Variants in GRPR observed in about 807,000 individuals in gnomAD.
The protein encoded by GRPR is gastrin-releasing peptide receptor.
In GRPR, 4 loss-of-function variants were observed where a neutral mutation model predicts 15.6. The ratio of observed to expected loss-of-function variants is 0.26; its 90% confidence interval spans 0.13 to 0.59. The LOEUF (loss-of-function observed/expected upper bound fraction) is 0.59, where lower values mean the gene tolerates loss of function less well. Among genes scored for constraint, GRPR ranks in the 20% least tolerant of loss-of-function variants. The pLI, the probability that GRPR is intolerant of heterozygous loss-of-function variation, is 0.90. For synonymous variants in GRPR, 128 were observed against 126.8 expected (o/e 1.01, Z -0.06); for missense variants, 270 against 304.1 (o/e 0.89, Z 0.83).
In GRPR at chrX:16,152,921, AGCCT is replaced by A; in HGVS notation, c.*277_*280del. The A allele has an allele frequency of 5.4e-6, 2 of 372,798 alleles. No homozygotes were observed. Among genetic ancestry groups the A allele is most frequent in the South Asian group, 8.6e-5 (2 of 23,355 alleles). 30.7% of individuals were successfully genotyped at this position (372,798 alleles called of 1,213,427 possible). A position where few individuals can be genotyped will look rare whatever the true frequency, so the allele number is the denominator to read the frequency against. On this transcript the variant is annotated 3_prime_UTR_variant, in exon 3 of 3. Transcript: ENST00000380289. The stretch of plus-strand genomic sequence containing the variant: ...GGAACAAGTAGAAAATTATTTTTTA[AGCCT>A]CAAGCCCTGTTAAATGGTCGTGGCC...
intron 1 of GRPR, among the ~76,000 whole-genome samples, chrX:16,143,484 C>T (rs1384690256): frequency 1.8e-5 from 2 of 112,411 alleles, no homozygotes; most frequent in African/African-American, 6.5e-5. Flanking sequence ...CTGAAGATTC[C>T]CAAATATTAA....
chrX:16,143,248 GCT>G (rs1922555966), intron 1 of GRPR, among the ~76,000 whole-genome samples: 2 of 111,685 alleles, frequency 1.8e-5, no homozygotes, highest in South Asian at 7.5e-4. Flanking sequence ...CCATATTACT[GCT>G]CTTTTTTACC....
chrX:16,140,585 C>T (rs1922516531), intron 1 of GRPR, among the ~76,000 whole-genome samples: 1 of 111,329 alleles, frequency 9.0e-6, no homozygotes, highest in Non-Finnish European at 1.9e-5. Flanking sequence ...GAATTACCAC[C>T]AACAGACAAT....
intron 1 of GRPR, among the ~76,000 whole-genome samples, chrX:16,143,309 T>C (rs2147034886): frequency 8.9e-6 from 1 of 112,411 alleles, no homozygotes. Flanking sequence ...ACACTTTACC[T>C]CTCCCTGTTG....
chrX:16,138,140 A>G (rs1274435769), intron 1 of GRPR, among the ~76,000 whole-genome samples: 1 of 111,669 alleles, frequency 9.0e-6, no homozygotes, highest in Non-Finnish European at 1.9e-5. Context: ...CTTTTTGGGA[A>G]GTAGGGGGTG....
chrX:16,143,661 T>C (rs140742127), intron 1 of GRPR, among the ~76,000 whole-genome samples: 98 of 112,047 alleles, frequency 8.7e-4, no homozygotes, highest in African/African-American at 3.1e-3. Context: ...TTGTCAATAT[T>C]ACTTGAAATT....
intron 1 of GRPR, among the ~76,000 whole-genome samples, chrX:16,136,896 C>T (rs182571598): frequency 2.1e-3 from 238 of 111,434 alleles, no homozygotes; most frequent in Middle Eastern, 4.6e-3. Context: ...TTTTCTCAAC[C>T]ATTTAAAATG....
chrX:16,138,785 A>G (rs1266372337), intron 1 of GRPR, among the ~76,000 whole-genome samples: 1 of 111,957 alleles, frequency 8.9e-6, no homozygotes, highest in African/African-American at 3.2e-5. Context: ...TGTATAGTTC[A>G]GTGGCAGTAA....
intron 1 of GRPR, among the ~76,000 whole-genome samples, chrX:16,147,662 C>T (rs979732674): frequency 3.0e-4 from 34 of 111,703 alleles, no homozygotes; most frequent in African/African-American, 1.0e-3. Flanking sequence ...ATGCTTTATA[C>T]TATATTTTAT....
chrX:16,129,284 CT>C (rs746535920), intron 1 of GRPR, among the ~76,000 whole-genome samples: 1 of 112,568 alleles, frequency 8.9e-6, no homozygotes, highest in East Asian at 2.8e-4. Context: ...TTCCCGACAT[CT>C]AGAGTTGTAT....
chrX:16,124,347 A>G lies in GRPR; in HGVS notation c.394A>G (p.Thr132Ala), dbSNP rs1922256283. The change falls in exon 1 of 3, where the codon ACG becomes GCG. Residue 132 changes from threonine (T) to alanine (A), a missense_variant. Thr to Ala is a moderately conservative substitution (Grantham distance 58). Around this residue, in one of 3 missense-constraint regions of GRPR, gnomAD observed 115 missense variants for 128.8 expected, o/e 0.89. Coordinates refer to ENST00000380289, the MANE Select transcript of GRPR (RefSeq NM_005314.3). ...TGTTGGGGTGTCTGTCTTCACACTC[A>G]CGGCGCTCTCGGCAGACAGGTAAGT... The part of the protein sequence containing the change: ...TSVGVSVFTL[T>A]ALSADRYKAI... The G allele has an allele frequency of 8.3e-7, 1 of 1,208,211 alleles. No individual in the cohort carries two copies. The highest frequency in any genetic ancestry group is 1.8e-5 in the African/African-American group (1 of 56,875).
intron 1 of GRPR, among the ~76,000 whole-genome samples, chrX:16,134,828 C>T (rs1287403682): frequency 9.0e-6 from 1 of 111,171 alleles, no homozygotes; most frequent in Non-Finnish European, 1.9e-5. Flanking sequence ...CACGTTTTTG[C>T]ACATCATTTC....
At chrX:16,139,115 A>G (rs1246260626) in intron 1 of GRPR, among the ~76,000 whole-genome samples, 2 of 112,000 alleles carry the variant, frequency 1.8e-5, no homozygotes, top group Admixed American at 1.9e-4. Context: ...TAAAATGGGG[A>G]GAGGATCATC....
At chrX:16,136,242 A>T (rs1922447033) in intron 1 of GRPR, among the ~76,000 whole-genome samples, 1 of 111,515 alleles carries the variant, frequency 9.0e-6, no homozygotes. Flanking sequence ...CAGATTTGTG[A>T]TTAGACGTTG....
chrX:16,145,475 A>G (rs770530378), intron 1 of GRPR, among the ~76,000 whole-genome samples: 2 of 111,977 alleles, frequency 1.8e-5, no homozygotes, highest in South Asian at 7.5e-4. Context: ...TGGAGAGTAG[A>G]AGGATGGTTA....
intron 2 of GRPR, among the ~76,000 whole-genome samples, chrX:16,150,894 G>T (rs1397246595): frequency 1.8e-5 from 2 of 111,775 alleles, no homozygotes; most frequent in African/African-American, 6.5e-5. Flanking sequence ...TTCAAGTGTG[G>T]GTTTCTTTTG....
chrX:16,151,569 T>C (rs1286165771), intron 2 of GRPR, among the ~76,000 whole-genome samples: 1 of 111,908 alleles, frequency 8.9e-6, no homozygotes, highest in Admixed American at 9.4e-5. Context: ...GAAAAGCCTC[T>C]CATTAGCCAA....
At chrX:16,133,834 G>C (rs1922412308) in intron 1 of GRPR, among the ~76,000 whole-genome samples, 1 of 111,117 alleles carries the variant, frequency 9.0e-6, no homozygotes, top group Non-Finnish European at 1.9e-5. Context: ...GATGCACTTA[G>C]GCATGATTTC....
chrX:16,140,903 T>G (rs1387659119), intron 1 of GRPR, among the ~76,000 whole-genome samples: 1 of 111,929 alleles, frequency 8.9e-6, no homozygotes, highest in Admixed American at 9.4e-5. Context: ...TTAATTTTTC[T>G]TTGTCTTCGT....
Sources: gnomAD v4.1 joint callset for allele counts (sites outside exome capture counted in the v4.1 genomes callset) on GRCh38, gnomAD v4.1.1 for gene constraint, gnomAD v4.1.1 regional missense constraint, MANE v1.5 for transcripts, NCBI Gene and HGNC (gene_info 2026-07-23, HGNC 2026-07-21) for gene names.